THSD4: variants seen among roughly 807,000 people sequenced by gnomAD.
THSD4 encodes thrombospondin type-1 domain-containing protein 4.
THSD4 carries 69 observed loss-of-function variants against 119.0 expected under a neutral mutation model. That is an observed-to-expected ratio of 0.58 (90% CI 0.48 to 0.71). The LOEUF is 0.71. THSD4 is among the 30% of genes least tolerant of loss of function. THSD4 has a pLI of 0.00. For missense variants in THSD4, 1,393 were observed against 1,391.1 expected, an observed-to-expected ratio of 1.00 and a Z score of -0.02; for synonymous variants, 524 against 540.4, an observed-to-expected ratio of 0.97 and a Z score of 0.42.
At chr15:71,406,688 G>GTGTGTC (rs2046613699) in intron 6 of THSD4, among the ~76,000 whole-genome samples, 1 of 131,870 alleles carries the variant, frequency 7.6e-6, no homozygotes, top group African/African-American at 2.9e-5. Flanking sequence ...GTGTGTGTGT[G>GTGTGTC]TGTGTGTTTG....
At chr15:71,524,434 CT>C (rs2048486450) in intron 7 of THSD4, among the ~76,000 whole-genome samples, 1 of 152,160 alleles carries the variant, frequency 6.6e-6, no homozygotes, top group African/African-American at 2.4e-5. Flanking sequence ...GCCAACTCTG[CT>C]GCATTGGATG....
intron 7 of THSD4, among the ~76,000 whole-genome samples, chr15:71,501,288 A>T (rs1168673072): frequency 6.6e-6 from 1 of 152,238 alleles, no homozygotes; most frequent in African/African-American, 2.4e-5. Flanking sequence ...TCCATATATG[A>T]TTATTTTCAG....
At chr15:71,570,414 T>C (rs202042750) in intron 7 of THSD4, among the ~76,000 whole-genome samples, 10 of 13,158 alleles carry the variant, frequency 7.6e-4, no homozygotes, top group Non-Finnish European at 1.3e-3. Context: ...TTTTTTTTTC[T>C]TTTTTTTTTT....
chr15:71,098,528 T>C (rs192856016), intron 1 of THSD4, among the ~76,000 whole-genome samples: 61 of 152,180 alleles, frequency 4.0e-4, no homozygotes, highest in South Asian at 1.0e-3. Context: ...CCTCCCAGAG[T>C]GCTATGATTA....
chr15:71,152,411 G>A (rs531688097), intron 2 of THSD4, among the ~76,000 whole-genome samples: 24 of 149,466 alleles, frequency 1.6e-4, no homozygotes, highest in African/African-American at 5.8e-4. Flanking sequence ...GACAGAACGA[G>A]ACTCTGTCTC....
chr15:71,210,047 G>A (rs139807101), intron 3 of THSD4, among the ~76,000 whole-genome samples: 19 of 152,242 alleles, frequency 1.2e-4, no homozygotes, highest in East Asian at 3.9e-4. Flanking sequence ...GCATGAAAAC[G>A]GATTAATACA....
intron 8 of THSD4, among the ~76,000 whole-genome samples, chr15:71,696,039 A>G (rs2052159004): frequency 6.6e-6 from 1 of 152,250 alleles, no homozygotes; most frequent in Non-Finnish European, 1.5e-5. Context: ...GCCTCAATAA[A>G]TGTTAGCTAG....
chr15:71,576,334 ATGTT>A (rs1043180011), intron 7 of THSD4, among the ~76,000 whole-genome samples: 2 of 152,126 alleles, frequency 1.3e-5, no homozygotes, highest in African/African-American at 4.8e-5. Context: ...ATTAAAAACC[ATGTT>A]TGTTTGTTTG....
chr15:71,708,387 A>G (rs984857167), intron 8 of THSD4, among the ~76,000 whole-genome samples: 1 of 152,240 alleles, frequency 6.6e-6, no homozygotes, highest in Non-Finnish European at 1.5e-5. Flanking sequence ...GCCAAGGGCT[A>G]TCGGCCTTGT....
At chr15:71,395,591 ATTAG>A (rs1419900185) in intron 6 of THSD4, among the ~76,000 whole-genome samples, 1 of 152,072 alleles carries the variant, frequency 6.6e-6, no homozygotes, top group Non-Finnish European at 1.5e-5. Flanking sequence ...AAAATACAAA[ATTAG>A]CTGGGCATGA....
At chr15:71,378,565 G>A (rs1245798697) in intron 6 of THSD4, among the ~76,000 whole-genome samples, 1 of 152,208 alleles carries the variant, frequency 6.6e-6, no homozygotes, top group Non-Finnish European at 1.5e-5. Flanking sequence ...GGAAAACAAT[G>A]TAATGCAGTA....
intron 7 of THSD4, among the ~76,000 whole-genome samples, chr15:71,540,379 A>G (rs1595869032): frequency 6.8e-6 from 1 of 146,394 alleles, no homozygotes; most frequent in East Asian, 2.0e-4. Flanking sequence ...CTCATGATCC[A>G]CCTGCCTCAG....
intron 7 of THSD4, among the ~76,000 whole-genome samples, chr15:71,527,708 C>CTTT (rs10635101): frequency 0.3 from 23,662 of 78,560 alleles, 4,237 homozygotes; most frequent in Middle Eastern, 0.38. Context: ...TGTTTATCCT[C>CTTT]TTTTTTTTTT....
intron 15 of THSD4, among the ~76,000 whole-genome samples, chr15:71,760,437 C>T (rs2053610787): frequency 6.6e-6 from 1 of 152,156 alleles, no homozygotes; most frequent in African/African-American, 2.4e-5. Flanking sequence ...TTCCCAGATC[C>T]CTGGAAACTA....
chr15:71,241,354 G>A (rs1476188840), intron 4 of THSD4, among the ~76,000 whole-genome samples: 4 of 152,164 alleles, frequency 2.6e-5, no homozygotes, highest in African/African-American at 9.7e-5. Context: ...TGCCAGTGAA[G>A]GCGAAACCTT....
intron 7 of THSD4, among the ~76,000 whole-genome samples, chr15:71,625,985 C>G (rs954092831): frequency 2.0e-5 from 3 of 152,204 alleles, no homozygotes; most frequent in Non-Finnish European, 4.4e-5. Flanking sequence ...TGTGGCACAT[C>G]TCTCCAGTTA....
At chr15:71,669,121 A>G (rs1364365226) in intron 8 of THSD4, among the ~76,000 whole-genome samples, 6 of 152,230 alleles carry the variant, frequency 3.9e-5, no homozygotes. Flanking sequence ...CACTCCCACC[A>G]GAAGCACATG....
chr15:71,385,025 C>G (rs1391761676), intron 6 of THSD4, among the ~76,000 whole-genome samples: 1 of 152,126 alleles, frequency 6.6e-6, no homozygotes, highest in African/African-American at 2.4e-5. Flanking sequence ...GTTTGCACCC[C>G]CTTCAGTAAT....
At chr15:71,460,305 GTTTTTTT>G (rs563476190) in intron 7 of THSD4, among the ~76,000 whole-genome samples, 5 of 122,588 alleles carry the variant, frequency 4.1e-5, no homozygotes, top group South Asian at 2.7e-4. Context: ...AAGTTGCCTG[GTTTTTTT>G]TTTTTTTTTT....
Sources: gnomAD v4.1 joint callset for allele counts (sites outside exome capture counted in the v4.1 genomes callset) on GRCh38, gnomAD v4.1.1 for gene constraint, MANE v1.5 for transcripts, NCBI Gene and HGNC (gene_info 2026-07-23, HGNC 2026-07-21) for gene names.